Variants in MGAT4C observed in about 807,000 individuals in gnomAD.
MGAT4C encodes alpha-1,3-mannosyl-glycoprotein 4-beta-N-acetylglucosaminyltransferase C.
Under a neutral mutation model 40.1 loss-of-function variants are expected in MGAT4C, and 19 were observed. The ratio of observed to expected loss-of-function variants is 0.47; its 90% CI spans 0.33 to 0.70. The LOEUF is 0.70. MGAT4C is among the 30% of genes least tolerant of loss of function. The pLI, the probability that MGAT4C is intolerant of heterozygous loss-of-function variation, is 0.02. For missense variants in MGAT4C, 491 were observed against 563.2 expected (o/e 0.87, Z 1.30); for synonymous variants, 181 against 187.1 (o/e 0.97, Z 0.27).
chr12:86,700,442 G>A (rs1439831570), intron 2 of MGAT4C, among the ~76,000 whole-genome samples: 1 of 151,994 alleles, frequency 6.6e-6, no homozygotes, highest in Admixed American at 6.6e-5. Context: ...TACTTATACA[G>A]TTGGACTTCA....
chr12:86,375,215 T>C (rs958883328), intron 3 of MGAT4C, among the ~76,000 whole-genome samples: 3 of 152,108 alleles, frequency 2.0e-5, no homozygotes, highest in Admixed American at 2.0e-4. Flanking sequence ...GAAAGAGATA[T>C]AGAAATAGGA....
chr12:86,609,145 A>G (rs1010939945), intron 2 of MGAT4C, among the ~76,000 whole-genome samples: 1 of 152,188 alleles, frequency 6.6e-6, no homozygotes, highest in Non-Finnish European at 1.5e-5. Context: ...CCTATGCACT[A>G]TGTGACAAGA....
At chr12:86,148,656 T>C (rs1883868995) in intron 1 of MGAT4C, among the ~76,000 whole-genome samples, 1 of 152,214 alleles carries the variant, frequency 6.6e-6, no homozygotes, top group Admixed American at 6.5e-5. Context: ...GTATAGGCAA[T>C]TAACTTTGCT....
At chr12:86,524,970 T>C (rs1196046555) in intron 2 of MGAT4C, among the ~76,000 whole-genome samples, 1 of 152,222 alleles carries the variant, frequency 6.6e-6, no homozygotes, top group Non-Finnish European at 1.5e-5. Flanking sequence ...CTACATTGTT[T>C]TATTATGATT....
At position 86,020,664 on chromosome 12, in the gene MGAT4C, A is replaced by G. The variant is rs1040700499; in HGVS notation, c.-7+29010T>C. On this transcript the variant is annotated intron_variant, in intron 2 of 4. Transcript: ENST00000611864. ...GAAAACCTAGGCAATACCATCCAGG[A>G]CATAGGCATGGGCAAGGACTTCATG... Among the ~76,000 whole-genome samples, 8 of 152,346 alleles carry G rather than the reference A, an allele frequency of 5.3e-5. 1 individual carries two copies. The South Asian group carries it at 8.3e-4, about 16-fold the overall frequency.
chr12:86,398,524 A>G (rs1956300090), intron 3 of MGAT4C, among the ~76,000 whole-genome samples: 1 of 152,052 alleles, frequency 6.6e-6, no homozygotes, highest in Non-Finnish European at 1.5e-5. Context: ...ATACATGTAT[A>G]CCATATATAT....
At chr12:86,455,161 T>C (rs1957489551) in intron 2 of MGAT4C, among the ~76,000 whole-genome samples, 1 of 152,122 alleles carries the variant, frequency 6.6e-6, no homozygotes, top group African/African-American at 2.4e-5. Flanking sequence ...TTAGTAAATG[T>C]GTTTGAATGA....
At chr12:86,011,902 C>A (rs1214297112) in intron 2 of MGAT4C, 13 of 977,858 alleles carry the variant, frequency 1.3e-5, no homozygotes, top group Non-Finnish European at 1.6e-5. Context: ...CATGCTACTG[C>A]CTGAAAATAG....
intron 1 of MGAT4C, among the ~76,000 whole-genome samples, chr12:86,158,160 C>A (rs373179601): frequency 7.9e-5 from 12 of 152,000 alleles, no homozygotes; most frequent in African/African-American, 2.7e-4. Context: ...TGAGGGCAGG[C>A]AAGGATCATA....
intron 2 of MGAT4C, among the ~76,000 whole-genome samples, chr12:86,537,371 CA>C (rs372788138): frequency 1.7e-4 from 25 of 143,130 alleles, no homozygotes; most frequent in African/African-American, 3.6e-4. Context: ...TAAAGTATAA[CA>C]AAAAAAAAAC....
chr12:86,152,051 T>C (rs1884350320), intron 1 of MGAT4C, among the ~76,000 whole-genome samples: 1 of 152,174 alleles, frequency 6.6e-6, no homozygotes, highest in African/African-American at 2.4e-5. Flanking sequence ...TTGCTGGAAC[T>C]CCCTGAGAGT....
chr12:86,459,626 C>T (rs185771303), intron 2 of MGAT4C, among the ~76,000 whole-genome samples: 1,614 of 151,598 alleles, frequency 0.011, 10 homozygotes, highest in Non-Finnish European at 0.016. Flanking sequence ...TATTTATGAT[C>T]CTGGTAATAC....
rs958915549 is a variant in MGAT4C, at chr12:86,560,106, TA to T, written c.-228-124842del. 1.1e-4 allele frequency among the ~76,000 whole-genome samples: 17 copies of T among 151,090 alleles called. No homozygotes were observed. The East Asian group carries it at 1.7e-3, about 15-fold the overall frequency. Reference sequence around the variant, plus strand: ...CTACCAAGATTAAATCAGGGAGAATTAAAAAAAAATTGAACAGATAAATAAT... The same window carrying T: ...CTACCAAGATTAAATCAGGGAGAATTAAAAAAAATTGAACAGATAAATAAT... On this transcript the variant is annotated intron_variant, in intron 2 of 7. Transcript: ENST00000548651.
chr12:86,336,590 A>G (rs535039218), intron 3 of MGAT4C, among the ~76,000 whole-genome samples: 97 of 152,326 alleles, frequency 6.4e-4, no homozygotes, highest in African/African-American at 2.3e-3. Context: ...AAAGAGGAAC[A>G]GAGAATAAAA....
intron 2 of MGAT4C, among the ~76,000 whole-genome samples, chr12:86,669,865 T>TAC (rs1000681348): frequency 2.0e-5 from 3 of 152,220 alleles, no homozygotes; most frequent in Admixed American, 6.5e-5. Flanking sequence ...AAGTTTCATC[T>TAC]ACTGGTTTGT....
chr12:86,131,488 G>A (rs189119269), intron 1 of MGAT4C, among the ~76,000 whole-genome samples: 241 of 151,676 alleles, frequency 1.6e-3, no homozygotes, highest in African/African-American at 5.6e-3. Context: ...TCTACAAAGG[G>A]GTATTTTGCA....
chr12:86,020,462 C>T (rs560670140), intron 2 of MGAT4C, among the ~76,000 whole-genome samples: 1 of 152,166 alleles, frequency 6.6e-6, no homozygotes, highest in East Asian at 1.9e-4. Context: ...CTTTGACAAA[C>T]CTGACAAAAA....
intron 1 of MGAT4C, among the ~76,000 whole-genome samples, chr12:86,104,724 A>G (rs999517725): frequency 6.6e-6 from 1 of 152,198 alleles, no homozygotes; most frequent in Non-Finnish European, 1.5e-5. Context: ...AATAGTTCAT[A>G]TATAAGTGAA....
intron 1 of MGAT4C, among the ~76,000 whole-genome samples, chr12:86,182,132 G>A (rs928239496): frequency 1.3e-5 from 2 of 151,676 alleles, no homozygotes; most frequent in East Asian, 1.9e-4. Flanking sequence ...CATCCTCTTG[G>A]ACATTGAATA....
Sources: gnomAD v4.1 joint callset for allele counts (sites outside exome capture counted in the v4.1 genomes callset) on GRCh38, gnomAD v4.1.1 for gene constraint, MANE v1.5 for transcripts, NCBI Gene and HGNC (gene_info 2026-07-23, HGNC 2026-07-21) for gene names.